TMEM167A: variants seen among roughly 807,000 people sequenced by gnomAD.
TMEM167A encodes protein kish-A.
Under a neutral mutation model 11.6 loss-of-function variants are expected in TMEM167A, and 8 were observed. That is an observed-to-expected ratio of 0.69 (90% CI 0.40 to 1.24). TMEM167A has a LOEUF of 1.24. Ranked by LOEUF, TMEM167A falls within the 50% of genes most tolerant of loss-of-function variation. The pLI is 0.01. For missense variants in TMEM167A, 62 were observed against 87.0 expected (o/e 0.71, Z 1.14); for synonymous variants, 22 against 28.0 (o/e 0.79, Z 0.67).
At chr5:83,073,406 A>T (rs1030151584) in intron 1 of TMEM167A, among the ~76,000 whole-genome samples, 16 of 152,368 alleles carry the variant, frequency 1.1e-4, no homozygotes, top group Non-Finnish European at 1.9e-4. Context: ...TTCCGATGGC[A>T]TATTTCTAGT....
intron 1 of TMEM167A, among the ~76,000 whole-genome samples, chr5:83,065,613 T>TA (rs910606954): frequency 2.4e-4 from 35 of 148,664 alleles, no homozygotes; most frequent in African/African-American, 4.9e-4. Flanking sequence ...AAAATGATGC[T>TA]AAAAAAAAAA....
intron 2 of TMEM167A, 38 bp downstream of exon 2, chr5:83,064,970 G>C (rs747655561): frequency 8.5e-5 from 99 of 1,160,414 alleles, no homozygotes; most frequent in Non-Finnish European, 1.2e-4. Context: ...ACATTTGTAA[G>C]AACTAATTTG....
At chr5:83,076,220 A>T (rs1326112690) in intron 1 of TMEM167A, among the ~76,000 whole-genome samples, 1 of 152,178 alleles carries the variant, frequency 6.6e-6, no homozygotes, top group Admixed American at 6.5e-5. Flanking sequence ...TGTGAACTTG[A>T]TATTTCCATG....
chr5:83,076,747 A>G (rs1307630878), intron 1 of TMEM167A, among the ~76,000 whole-genome samples: 1 of 152,256 alleles, frequency 6.6e-6, no homozygotes, highest in East Asian at 1.9e-4. Context: ...CCACTCCAAT[A>G]AGTACATTAA....
rs959624389 is a variant in TMEM167A at position 83,053,553 on chromosome 5, C to T, written c.*3531G>A. 2 of 151,874 alleles carry T rather than the reference C, an allele frequency of 1.3e-5. No individual in the cohort carries two copies. The highest frequency in any genetic ancestry group is 2.4e-5 in the African/African-American group (1 of 41,350). The allele number at this position is 151,874 out of a possible 1,614,324, so 9.4% of individuals were successfully genotyped here. On this transcript the variant is annotated 3_prime_UTR_variant, in exon 4 of 4. Transcript: ENST00000502346. ...ACCAAGGAAGAATTTAAATTTCTGC[C>T]CTTGAGTAGTTTTGTGTTAGGCAGG...
At chr5:83,073,192 C>G (rs1165660375) in intron 1 of TMEM167A, among the ~76,000 whole-genome samples, 1 of 152,160 alleles carries the variant, frequency 6.6e-6, no homozygotes, top group Admixed American at 6.5e-5. Flanking sequence ...GCATCTGTTT[C>G]TTCATATGAA....
Position 83,055,424 on chromosome 5 carries a change from A to C in TMEM167A, c.*1660T>G, listed in dbSNP as rs1340838423. On this transcript the variant is annotated 3_prime_UTR_variant, in exon 4 of 4. Transcript: ENST00000502346. ...GCATGCATACACTGACAAGAATCCT[A>C]TTTTTGAGAAACCCTAAAAATCCTT... The C allele has an allele frequency of 6.6e-6, 1 of 152,008 alleles. No homozygotes were observed. Among genetic ancestry groups the C allele is most frequent in the Non-Finnish European group, 1.5e-5 (1 of 67,952 alleles). 9.4% of individuals were successfully genotyped at this position (152,008 alleles called of 1,614,324 possible).
intron 1 of TMEM167A, among the ~76,000 whole-genome samples, chr5:83,066,203 T>C (rs1744479191): frequency 2.0e-5 from 3 of 152,190 alleles, no homozygotes; most frequent in African/African-American, 7.2e-5. Flanking sequence ...ATTTTCATCA[T>C]ATACAGGGAG....
chr5:83,060,011 A>G (rs1272279586), intron 3 of TMEM167A, among the ~76,000 whole-genome samples: 1 of 151,486 alleles, frequency 6.6e-6, no homozygotes, highest in Non-Finnish European at 1.5e-5. Context: ...AAGAGAGAAC[A>G]AAGTATGACA....
At chr5:83,062,931 GGTTCA>G (rs954113330) in intron 2 of TMEM167A, among the ~76,000 whole-genome samples, 36 of 150,228 alleles carry the variant, frequency 2.4e-4, no homozygotes, top group African/African-American at 8.1e-4. Context: ...AGAAAATTCT[GGTTCA>G]GTTAAGTTCT....
intron 3 of TMEM167A, among the ~76,000 whole-genome samples, chr5:83,057,477 C>T (rs951163818): frequency 3.3e-5 from 5 of 152,004 alleles, no homozygotes; most frequent in Admixed American, 6.6e-5. Flanking sequence ...CCAAGAGAAA[C>T]GATCTCAACT....
At chr5:83,060,735 G>A (rs960570970) in intron 3 of TMEM167A, among the ~76,000 whole-genome samples, 3 of 151,776 alleles carry the variant, frequency 2.0e-5, no homozygotes, top group Non-Finnish European at 4.4e-5. Context: ...GGAGACTGAG[G>A]CAGGAGAAAC....
intron 1 of TMEM167A, among the ~76,000 whole-genome samples, chr5:83,067,462 A>C (rs1744499435): frequency 6.6e-6 from 1 of 152,206 alleles, no homozygotes; most frequent in African/African-American, 2.4e-5. Flanking sequence ...GTAAACTTTT[A>C]TGCAAAGAAA....
At position 83,056,942 on chromosome 5, in the gene TMEM167A, T is replaced by C. The variant is rs1744340769; in HGVS notation, c.*142A>G. The stretch of plus-strand genomic sequence containing the variant: ...ATACAGAACATTGGTCCAATAACAT[T>C]AAAATAGAGAACAGCATCTGGAAAT... On this transcript the variant is annotated 3_prime_UTR_variant, in exon 4 of 4. Coordinates refer to ENST00000502346, the MANE Select transcript of TMEM167A (RefSeq NM_174909.5). 1.5e-5 allele frequency: 11 copies of C among 757,764 alleles called. No homozygotes were observed. Among genetic ancestry groups the C allele is most frequent in the Non-Finnish European group, 2.3e-5 (10 of 443,864 alleles). 46.9% of individuals were successfully genotyped at this position (757,764 alleles called of 1,614,324 possible).
intron 1 of TMEM167A, among the ~76,000 whole-genome samples, chr5:83,068,537 T>C (rs1744515577): frequency 1.3e-5 from 2 of 152,146 alleles, no homozygotes; most frequent in South Asian, 4.1e-4. Context: ...AAAATGCCAT[T>C]TTTGTAAGAA....
rs1289435068 is a variant in TMEM167A at position 83,053,925 on chromosome 5, G to C, written c.*3159C>G. 6.6e-6 allele frequency: 1 copy of C among 151,958 alleles called. No homozygotes were observed. 9.4% of individuals were successfully genotyped at this position (151,958 alleles called of 1,614,324 possible). ...CTAGTGCACTATGAATTACTACGAG[G>C]AAGAATCTGTGTGCCTATCTTCCTG... On this transcript the variant is annotated 3_prime_UTR_variant, in exon 4 of 4. Coordinates refer to ENST00000502346, the MANE Select transcript of TMEM167A (RefSeq NM_174909.5).
chr5:83,057,193 G>A, intron 3 of TMEM167A, 39 bp from the exon 4 acceptor site: 3 of 1,581,590 alleles, frequency 1.9e-6, no homozygotes, highest in South Asian at 2.2e-5. Flanking sequence ...GATTAACTGA[G>A]TGGCTAACCT....
intron 1 of TMEM167A, among the ~76,000 whole-genome samples, chr5:83,067,041 A>G (rs1187117883): frequency 6.6e-6 from 1 of 151,828 alleles, no homozygotes; most frequent in Non-Finnish European, 1.5e-5. Context: ...TTAACCAATT[A>G]CCCAATTTCA....
At chr5:83,072,883 A>C (rs1350991712) in intron 1 of TMEM167A, among the ~76,000 whole-genome samples, 1 of 152,066 alleles carries the variant, frequency 6.6e-6, no homozygotes, top group Admixed American at 6.6e-5. Context: ...GGTTCATGGA[A>C]CCCTTTCATG....
Sources: gnomAD v4.1 joint callset for allele counts (sites outside exome capture counted in the v4.1 genomes callset) on GRCh38, gnomAD v4.1.1 for gene constraint, MANE v1.5 for transcripts, NCBI Gene and HGNC (gene_info 2026-07-23, HGNC 2026-07-21) for gene names.